Variants in ANKFN1 observed in about 807,000 individuals in gnomAD.
The protein encoded by ANKFN1 is ankyrin repeat and fibronectin type-III domain-containing protein 1.
In ANKFN1, 74 loss-of-function variants were observed where a neutral mutation model predicts 108.7. The ratio of observed to expected loss-of-function variants is 0.68; its 90% CI spans 0.56 to 0.83. ANKFN1 has a LOEUF of 0.83. Among genes scored for constraint, ANKFN1 ranks in the 40% least tolerant of loss-of-function variants. ANKFN1 has a pLI of 0.00. For synonymous variants in ANKFN1, 547 were observed against 516.2 expected (o/e 1.06, Z -0.81); for missense variants, 1,505 against 1,382.3 (o/e 1.09, Z -1.41).
At chr17:56,486,766 A>T (rs146915206) in intron 18 of ANKFN1, among the ~76,000 whole-genome samples, 119 of 152,344 alleles carry the variant, frequency 7.8e-4, no homozygotes, top group Non-Finnish European at 1.3e-3. Context: ...TTTAATAACC[A>T]CATGGGAATT....
intron 4 of ANKFN1, among the ~76,000 whole-genome samples, chr17:56,109,464 C>T (rs1048957462): frequency 2.6e-5 from 4 of 152,142 alleles, no homozygotes; most frequent in African/African-American, 9.7e-5. Flanking sequence ...CCACCTCCCC[C>T]GTGGTGACAA....
chr17:56,198,075 G>A (rs1485758961), intron 1 of ANKFN1, among the ~76,000 whole-genome samples: 3 of 152,188 alleles, frequency 2.0e-5, no homozygotes, highest in East Asian at 1.9e-4. Flanking sequence ...TTCCTTATGA[G>A]AGTCTAATGC....
At chr17:56,390,825 G>A (rs945415028) in intron 8 of ANKFN1, among the ~76,000 whole-genome samples, 7 of 151,820 alleles carry the variant, frequency 4.6e-5, no homozygotes, top group Middle Eastern at 3.5e-3. Context: ...TCATATGTTC[G>A]TTGGCCACAT....
intron 4 of ANKFN1, among the ~76,000 whole-genome samples, chr17:56,135,698 A>G (rs918808575): frequency 6.6e-6 from 1 of 152,130 alleles, no homozygotes; most frequent in Admixed American, 6.5e-5. Flanking sequence ...TGACCTTTGG[A>G]ATCTGTTTTG....
intron 5 of ANKFN1, among the ~76,000 whole-genome samples, chr17:56,351,969 G>A (rs113400093): frequency 2.0e-5 from 3 of 152,222 alleles, no homozygotes; most frequent in African/African-American, 4.8e-5. Flanking sequence ...GAGTAAATAC[G>A]GCACATGAGA....
chr17:56,234,907 A>C (rs1470058401), intron 3 of ANKFN1, among the ~76,000 whole-genome samples: 1 of 152,094 alleles, frequency 6.6e-6, no homozygotes, highest in African/African-American at 2.4e-5. Flanking sequence ...TCCTGTTTTT[A>C]GCTCCTTGAG....
intron 1 of ANKFN1, among the ~76,000 whole-genome samples, chr17:56,180,878 G>T (rs751309306): frequency 6.6e-6 from 1 of 152,136 alleles, no homozygotes; most frequent in Non-Finnish European, 1.5e-5. Flanking sequence ...CATGACACAG[G>T]ACTTGATGCT....
At chr17:56,324,179 T>A (rs553007789) in intron 3 of ANKFN1, among the ~76,000 whole-genome samples, 1 of 152,214 alleles carries the variant, frequency 6.6e-6, no homozygotes, top group South Asian at 2.1e-4. Flanking sequence ...TGGTGAGAAA[T>A]TTGGCTAGAG....
intron 1 of ANKFN1, among the ~76,000 whole-genome samples, chr17:56,165,529 G>A (rs1278230262): frequency 6.6e-6 from 1 of 152,170 alleles, no homozygotes; most frequent in Non-Finnish European, 1.5e-5. Context: ...CAGAGTTCTA[G>A]TGGAATTTAT....
intron 20 of ANKFN1, among the ~76,000 whole-genome samples, chr17:56,502,316 G>T (rs1306810586): frequency 1.3e-5 from 2 of 152,120 alleles, no homozygotes; most frequent in African/African-American, 4.8e-5. Flanking sequence ...TCTCACGTTG[G>T]CCTGAAGACG....
chr17:56,411,143 C>T (rs2048078121), intron 8 of ANKFN1, among the ~76,000 whole-genome samples: 1 of 152,158 alleles, frequency 6.6e-6, no homozygotes, highest in Non-Finnish European at 1.5e-5. Context: ...CATGGGATGT[C>T]TTTCCACCTA....
chr17:56,208,495 G>T (rs533041181), intron 1 of ANKFN1, among the ~76,000 whole-genome samples: 13 of 152,258 alleles, frequency 8.5e-5, no homozygotes, highest in African/African-American at 3.1e-4. Flanking sequence ...CGGGGATAAG[G>T]TGCAAAATCT....
At chr17:56,056,003 T>C (rs1904870482) in intron 4 of ANKFN1, among the ~76,000 whole-genome samples, 1 of 152,096 alleles carries the variant, frequency 6.6e-6, no homozygotes, top group Admixed American at 6.6e-5. Flanking sequence ...ATGTTTTTTT[T>C]TCTTTTGCTG....
rs2050644455 is a variant in ANKFN1, at chr17:56,480,099, G to T, written c.1941-569G>T. On this transcript the variant is annotated intron_variant, in intron 16 of 20. Coordinates refer to ENST00000682825, the MANE Select transcript of ANKFN1 (RefSeq NM_001370326.1). ...ACACAGATTACTGGTTTGTAAGGAGGATGGAAGCAGTGATATGCATCCCTT... is the reference window on the plus strand; with the variant it reads ...ACACAGATTACTGGTTTGTAAGGAGTATGGAAGCAGTGATATGCATCCCTT... Among the ~76,000 whole-genome samples, 3 of 152,220 alleles carry T rather than the reference G, an allele frequency of 2.0e-5. No homozygotes were observed. In the South Asian group the frequency reaches 6.2e-4, roughly 31 times the overall value.
At chr17:56,335,442 G>A (rs1307954621) in intron 4 of ANKFN1, among the ~76,000 whole-genome samples, 2 of 152,126 alleles carry the variant, frequency 1.3e-5, no homozygotes, top group Non-Finnish European at 2.9e-5. Context: ...CACTTCCCTT[G>A]TAAGTTGGAT....
At chr17:56,168,877 A>G (rs1230031892) in intron 1 of ANKFN1, among the ~76,000 whole-genome samples, 1 of 152,216 alleles carries the variant, frequency 6.6e-6, no homozygotes. Flanking sequence ...GAGTGAATGG[A>G]TAAGTGGAGA....
intron 4 of ANKFN1, among the ~76,000 whole-genome samples, chr17:56,343,754 A>G (rs1197830161): frequency 1.3e-5 from 2 of 151,612 alleles, no homozygotes; most frequent in African/African-American, 4.8e-5. Flanking sequence ...TGCACTCTTC[A>G]CATTTCTTCA....
chr17:56,398,068 C>T (rs1330667191), intron 8 of ANKFN1, among the ~76,000 whole-genome samples: 3 of 152,156 alleles, frequency 2.0e-5, no homozygotes, highest in Non-Finnish European at 4.4e-5. Flanking sequence ...ATGTAAGCTT[C>T]TCTCACAGTC....
chr17:56,146,579 A>G (rs1277942596), intron 4 of ANKFN1, among the ~76,000 whole-genome samples: 5 of 152,286 alleles, frequency 3.3e-5, no homozygotes, highest in African/African-American at 7.2e-5. Context: ...TGTGTTAGCC[A>G]CTGAGACTTA....
Sources: allele counts gnomAD v4.1 joint callset (sites outside exome capture counted in the v4.1 genomes callset), GRCh38; gene constraint gnomAD v4.1.1; transcripts MANE v1.5; gene names NCBI Gene and HGNC (gene_info 2026-07-23, HGNC 2026-07-21).